The following ANO2 variants were observed in gnomAD, a reference collection of about 807,000 sequenced individuals.
The protein encoded by ANO2 is anoctamin 2.
ANO2 carries 101 observed loss-of-function variants against 124.2 expected under a neutral mutation model. That is an observed-to-expected ratio of 0.81 (90% CI 0.69 to 0.96). The LOEUF is 0.96. Ranked by LOEUF, ANO2 falls within the 40% of genes least tolerant of loss-of-function variation. The pLI, the probability that ANO2 is intolerant of heterozygous loss-of-function variation, is 0.00. For missense variants in ANO2, 1,293 were observed against 1,274.5 expected (o/e 1.01, Z -0.22); for synonymous variants, 486 against 482.5 (o/e 1.01, Z -0.09).
At chr12:5,933,452 C>T (rs1220605958) in intron 1 of ANO2, among the ~76,000 whole-genome samples, 1 of 152,084 alleles carries the variant, frequency 6.6e-6, no homozygotes, top group Non-Finnish European at 1.5e-5. Context: ...ATGGCCCTGG[C>T]TGTAGTGAGG....
intron 18 of ANO2, 29 bp from the exon 19 acceptor site, chr12:5,612,785 G>A: frequency 6.2e-7 from 1 of 1,612,410 alleles, no homozygotes. Context: ...GAAAGGACCG[G>A]TTAGAACAAA....
chr12:5,565,742 G>T, intron 23 of ANO2, 79 bp from the exon 24 acceptor site: 1 of 1,206,472 alleles, frequency 8.3e-7, no homozygotes, highest in Non-Finnish European at 1.2e-6. Flanking sequence ...AAACCTCGAG[G>T]GCTGGCTGGA....
chr12:5,743,116 G>A (rs1039138711), intron 12 of ANO2, among the ~76,000 whole-genome samples: 7 of 151,972 alleles, frequency 4.6e-5, no homozygotes, highest in African/African-American at 1.7e-4. Flanking sequence ...ATGGAGGAAG[G>A]TTGTGTTCTA....
intron 1 of ANO2, among the ~76,000 whole-genome samples, chr12:5,929,193 T>C (rs201619784): frequency 2.8e-3 from 289 of 104,444 alleles, no homozygotes; most frequent in East Asian, 0.012. Flanking sequence ...GTCTACCTTC[T>C]TTCCTCACTC....
intron 3 of ANO2, among the ~76,000 whole-genome samples, chr12:5,916,718 T>A (rs1298032857): frequency 9.0e-6 from 1 of 111,664 alleles, no homozygotes; most frequent in Non-Finnish European, 2.1e-5. Flanking sequence ...AGTCTTTTTT[T>A]TAATTTAAAA....
chr12:5,843,232 G>A (rs995949081), intron 4 of ANO2, among the ~76,000 whole-genome samples: 6 of 152,132 alleles, frequency 3.9e-5, no homozygotes, highest in African/African-American at 1.4e-4. Context: ...TCCCACGACC[G>A]AGGATCTGCA....
chr12:5,827,123 C>T (rs1953979544), intron 7 of ANO2, among the ~76,000 whole-genome samples: 1 of 152,208 alleles, frequency 6.6e-6, no homozygotes, highest in Non-Finnish European at 1.5e-5. Flanking sequence ...GTACCTGGGC[C>T]ATCACAGATG....
chr12:5,666,135 T>C (rs1351477604), intron 14 of ANO2, among the ~76,000 whole-genome samples: 1 of 152,190 alleles, frequency 6.6e-6, no homozygotes, highest in African/African-American at 2.4e-5. Flanking sequence ...TGTTAGGTTT[T>C]GATTGTCTTC....
At chr12:5,681,421 A>G (rs1041295509) in intron 14 of ANO2, among the ~76,000 whole-genome samples, 3 of 152,178 alleles carry the variant, frequency 2.0e-5, no homozygotes, top group Admixed American at 6.5e-5. Flanking sequence ...AGAGTGCCCA[A>G]GGTGCAGCCA....
chr12:5,574,728 C>A (rs1041270175), intron 23 of ANO2, among the ~76,000 whole-genome samples: 2 of 152,216 alleles, frequency 1.3e-5, no homozygotes, highest in Non-Finnish European at 2.9e-5. Context: ...TGGGTCCTAC[C>A]AACTCTAGCC....
intron 3 of ANO2, among the ~76,000 whole-genome samples, chr12:5,886,241 T>C (rs1466566885): frequency 1.3e-5 from 2 of 152,148 alleles, no homozygotes; most frequent in African/African-American, 4.8e-5. Flanking sequence ...CGTCTGTAAA[T>C]GAACGAATGG....
rs1955014191 is a variant in ANO2, at chr12:5,854,109, T to A, written c.567A>T (p.Ile189=). 1.2e-6 allele frequency: 2 copies of A among 1,613,188 alleles called. No individual in the cohort carries two copies. The highest frequency in any genetic ancestry group is 1.7e-6 in the Non-Finnish European group (2 of 1,179,366). Residue 189 remains isoleucine (I), a synonymous_variant, in exon 4 of 25, where the codon ATA becomes ATT. Transcript: ENST00000682330. ...NKSQGSIFVR[I]HAPWQVLARE... The stretch of plus-strand genomic sequence containing the variant: ...TGGCCAGCACCTGCCACGGGGCGTG[T>A]ATCCGGACAAAGATGGATCCCTGGC...
At chr12:5,739,744 A>T (rs1409045590) in intron 12 of ANO2, among the ~76,000 whole-genome samples, 1 of 152,104 alleles carries the variant, frequency 6.6e-6, no homozygotes, top group African/African-American at 2.4e-5. Context: ...GGATTTTTTG[A>T]CAAGCCTCAT....
At chr12:5,877,313 G>A (rs959751684) in intron 3 of ANO2, among the ~76,000 whole-genome samples, 3 of 152,122 alleles carry the variant, frequency 2.0e-5, no homozygotes, top group East Asian at 1.9e-4. Context: ...GCGAGGAGAC[G>A]GCCATGTGAC....
intron 10 of ANO2, among the ~76,000 whole-genome samples, chr12:5,790,741 C>G (rs961135480): frequency 1.3e-5 from 2 of 152,176 alleles, no homozygotes; most frequent in Non-Finnish European, 2.9e-5. Flanking sequence ...TTTGTGAGGA[C>G]CTTGTGTCCC....
intron 4 of ANO2, among the ~76,000 whole-genome samples, chr12:5,840,276 T>G (rs1023918419): frequency 6.6e-5 from 10 of 152,182 alleles, no homozygotes; most frequent in Non-Finnish European, 1.5e-4. Context: ...GTGGTTCTCA[T>G]AAAAGCTCAC....
chr12:5,615,221 G>A lies in ANO2; in HGVS notation c.1893C>T (p.Tyr631=). 6.2e-7 allele frequency: 1 copy of A among 1,613,758 alleles called. No homozygotes were observed. The highest frequency in any genetic ancestry group is 8.5e-7 in the Non-Finnish European group (1 of 1,179,780). Residue 631 remains tyrosine, a synonymous_variant, in exon 17 of 25, where the codon TAC becomes TAT. Transcript: ENST00000682330. The part of the protein sequence containing the change: ...KAFLLKFVNA[Y]SPIFYVAFFK... ...AAAAGGCCACATAGAAGATGGGGGA[G>A]TAGGCATTGACAAACTTGAGCAAGA...
At chr12:5,842,425 G>C (rs1169289873) in intron 4 of ANO2, among the ~76,000 whole-genome samples, 1 of 152,160 alleles carries the variant, frequency 6.6e-6, no homozygotes, top group Non-Finnish European at 1.5e-5. Context: ...ACGCAGATCA[G>C]GGCAGCTATA....
chr12:5,923,178 ACACACATACACACACACG>A (rs879843233), intron 1 of ANO2, among the ~76,000 whole-genome samples: 3,817 of 62,568 alleles, frequency 0.061, 487 homozygotes, highest in East Asian at 0.13. Flanking sequence ...ACACACGCAC[ACACACATACACACACACG>A]CACGCACACA....
Sources: allele counts gnomAD v4.1 joint callset (sites outside exome capture counted in the v4.1 genomes callset), GRCh38; gene constraint gnomAD v4.1.1; transcripts MANE v1.5; gene names NCBI Gene and HGNC (gene_info 2026-07-23, HGNC 2026-07-21).